Variants in TJP2 observed in about 807,000 individuals in gnomAD.
TJP2 encodes the protein Friedreich ataxia region gene X104 (tight junction protein ZO-2).
TJP2 carries 91 observed loss-of-function variants against 133.1 expected under a neutral mutation model. The ratio of observed to expected loss-of-function variants is 0.68; its 90% CI spans 0.58 to 0.81. The LOEUF (loss-of-function observed/expected upper bound fraction) is 0.81. Among genes scored for constraint, TJP2 ranks in the 40% least tolerant of loss-of-function variants. The pLI, the probability that TJP2 is intolerant of heterozygous loss-of-function variation, is 0.00. For missense variants in TJP2, 1,541 were observed against 1,565.6 expected (o/e 0.98, Z 0.26); for synonymous variants, 592 against 583.4 (o/e 1.01, Z -0.21).
At chr9:69,192,836 G>A (rs1186841086) in intron 1 of TJP2, among the ~76,000 whole-genome samples, 2 of 151,802 alleles carry the variant, frequency 1.3e-5, no homozygotes, top group Non-Finnish European at 2.9e-5. Context: ...TCCTTGGATG[G>A]TTCCCTTGGC....
chr9:69,139,299 A>G lies in TJP2; in HGVS notation c.-130-12352A>G, dbSNP rs529371474. ...TATATTTCCCACCTCCAAAATTTCT[A>G]TGTTCAAGTCCTAACCCCCAGTTCC... On this transcript the variant is annotated intron_variant, in intron 1 of 5. Transcript: ENST00000423935. Among the ~76,000 whole-genome samples the G allele has an allele frequency of 6.4e-4, 97 of 152,316 alleles. No homozygotes were observed. In the South Asian group the frequency reaches 0.019, roughly 30 times the overall value.
intron 17 of TJP2, among the ~76,000 whole-genome samples, chr9:69,242,097 A>C (rs1012240711): frequency 1.3e-5 from 2 of 152,220 alleles, no homozygotes; most frequent in Non-Finnish European, 2.9e-5. Context: ...TTGTAGAGGA[A>C]GAACTAGGCT....
At chr9:69,125,798 G>A (rs1822286529) in intron 1 of TJP2, among the ~76,000 whole-genome samples, 1 of 76,876 alleles carries the variant, frequency 1.3e-5, no homozygotes, top group African/African-American at 4.0e-5. Flanking sequence ...TTCAAGTTTG[G>A]CAAATCTAAT....
chr9:69,247,862 A>G (rs193140540), intron 18 of TJP2, 150 bp from the exon 19 acceptor site: 86 of 749,170 alleles, frequency 1.1e-4, no homozygotes, highest in East Asian at 9.9e-4. Flanking sequence ...ACCAAAGCCA[A>G]GTGATCTCAG....
At chr9:69,249,182 T>G in intron 19 of TJP2, 193 bp from the exon 20 acceptor site, 9 of 985,434 alleles carry the variant, frequency 9.1e-6, no homozygotes, top group Non-Finnish European at 9.6e-6. Flanking sequence ...AGACTCTACA[T>G]TGGATGCAGC....
At chr9:69,179,302 C>T (rs1275288450) in intron 1 of TJP2, among the ~76,000 whole-genome samples, 4 of 152,132 alleles carry the variant, frequency 2.6e-5, no homozygotes, top group Admixed American at 1.3e-4. Context: ...ACCTGAAAAA[C>T]GTAATGTAGC....
chr9:69,210,685 C>A (rs1827828312), intron 1 of TJP2, among the ~76,000 whole-genome samples: 1 of 151,852 alleles, frequency 6.6e-6, no homozygotes, highest in Non-Finnish European at 1.5e-5. Context: ...CCACCCAGTC[C>A]CAGGATTGCT....
At chr9:69,232,811 T>A (rs1039922294) in intron 11 of TJP2, among the ~76,000 whole-genome samples, 1 of 152,198 alleles carries the variant, frequency 6.6e-6, no homozygotes, top group Non-Finnish European at 1.5e-5. Flanking sequence ...CTAAGTTTGG[T>A]TATTAACCAT....
chr9:69,174,966 C>T (rs2132941887), intron 1 of TJP2, among the ~76,000 whole-genome samples: 1 of 146,614 alleles, frequency 6.8e-6, no homozygotes, highest in South Asian at 2.3e-4. Context: ...GAAGGACCCA[C>T]AAAAGAGGAG....
At chr9:69,237,836 A>G in intron 14 of TJP2, 42 bp from the exon 15 acceptor site, 1 of 1,369,342 alleles carries the variant, frequency 7.3e-7, no homozygotes, top group Non-Finnish European at 1.0e-6. Context: ...CATAACAGCT[A>G]GGCAAGTGTG....
chr9:69,239,660 A>G (rs904374149), intron 16 of TJP2, among the ~76,000 whole-genome samples: 3 of 152,082 alleles, frequency 2.0e-5, no homozygotes, highest in African/African-American at 7.2e-5. Flanking sequence ...AAAATACAAA[A>G]ATTAGCTGGC....
chr9:69,179,587 C>T (rs1825345177), intron 1 of TJP2, among the ~76,000 whole-genome samples: 1 of 150,924 alleles, frequency 6.6e-6, no homozygotes, highest in Non-Finnish European at 1.5e-5. Context: ...CGGCTCACTG[C>T]AAGCTCCACC....
chr9:69,244,067 C>T (rs1446225244), intron 17 of TJP2, among the ~76,000 whole-genome samples: 1 of 151,506 alleles, frequency 6.6e-6, no homozygotes, highest in East Asian at 1.9e-4. Context: ...GCCGGTAGTC[C>T]CAGCTACTTG....
At chr9:69,220,185 C>T (rs114339760) in intron 4 of TJP2, among the ~76,000 whole-genome samples, 5,167 of 152,020 alleles carry the variant, frequency 0.034, 222 homozygotes, top group African/African-American at 0.1. Context: ...GACTTTTCTT[C>T]CTTAAAATTT....
chr9:69,122,782 G>C (rs996610424), intron 1 of TJP2, among the ~76,000 whole-genome samples: 3 of 152,166 alleles, frequency 2.0e-5, no homozygotes, highest in Non-Finnish European at 4.4e-5. Flanking sequence ...GGCGAGTTCC[G>C]TAGGGAGGCC....
intron 1 of TJP2, among the ~76,000 whole-genome samples, chr9:69,143,037 CAA>C (rs1386411399): frequency 1.3e-5 from 2 of 152,104 alleles, no homozygotes; most frequent in Non-Finnish European, 2.9e-5. Context: ...AGATTCCACA[CAA>C]AGATGACAAT....
intron 1 of TJP2, among the ~76,000 whole-genome samples, chr9:69,203,445 G>T (rs1827148118): frequency 6.6e-6 from 1 of 151,710 alleles, no homozygotes; most frequent in Non-Finnish European, 1.5e-5. Flanking sequence ...GGGGTTACAG[G>T]CACCCGCCAA....
At chr9:69,244,676 T>A (rs1830805143) in intron 17 of TJP2, among the ~76,000 whole-genome samples, 1 of 152,240 alleles carries the variant, frequency 6.6e-6, no homozygotes, top group Non-Finnish European at 1.5e-5. Context: ...AGGTACTTAA[T>A]TCAGCAGAGT....
Position 69,236,998 on chromosome 9 carries a change from G to T in TJP2, c.2041G>T (p.Asp681Tyr). Residue 681 changes from aspartate (D) to tyrosine (Y), a missense_variant, in exon 14 of 23, where the codon GAC (aspartate) becomes TAC (tyrosine). Asp to Tyr is a radical substitution (Grantham distance 160). Coordinates refer to ENST00000377245, the MANE Select transcript of TJP2 (RefSeq NM_004817.4). The part of the protein sequence containing the change: ...VQNAQRDNAG[D>Y]RADFWRMRGQ... The stretch of plus-strand genomic sequence containing the variant: ...AAATGCCCAGAGAGACAACGCTGGG[G>T]ACCGGGCAGATTTCTGGAGAATGCG... 6.2e-7 allele frequency: 1 copy of T among 1,614,210 alleles called. No individual in the cohort carries two copies. The highest frequency in any genetic ancestry group is 8.5e-7 in the Non-Finnish European group (1 of 1,180,046).
Sources: allele counts gnomAD v4.1 joint callset (sites outside exome capture counted in the v4.1 genomes callset), GRCh38; gene constraint gnomAD v4.1.1; transcripts MANE v1.5; gene names NCBI Gene and HGNC (gene_info 2026-07-23, HGNC 2026-07-21).